Variants in AGBL4 observed in about 807,000 individuals in gnomAD.
AGBL4 encodes AGBL carboxypeptidase 4.
A neutral mutation model predicts 66.4 loss-of-function variants in AGBL4; 58 were observed. The ratio of observed to expected loss-of-function variants is 0.87; its 90% CI spans 0.71 to 1.09. The LOEUF (loss-of-function observed/expected upper bound fraction) is 1.09. AGBL4 is among the 50% of genes least tolerant of loss of function. The pLI is 0.00. For synonymous variants in AGBL4, 234 were observed against 222.9 expected, an observed-to-expected ratio of 1.05 and a Z score of -0.44; for missense variants, 579 against 631.0, an observed-to-expected ratio of 0.92 and a Z score of 0.88.
intron 4 of AGBL4, among the ~76,000 whole-genome samples, chr1:49,236,462 A>T (rs1251029461): frequency 3.9e-5 from 6 of 152,150 alleles, no homozygotes; most frequent in Admixed American, 6.5e-5. Context: ...ACATTCTATA[A>T]AATATTTGTA....
At chr1:49,847,640 A>G (rs1053635074) in intron 2 of AGBL4, among the ~76,000 whole-genome samples, 10 of 152,224 alleles carry the variant, frequency 6.6e-5, no homozygotes, top group Non-Finnish European at 1.3e-4. Flanking sequence ...TAACCCCATT[A>G]AAATAAGCAA....
intron 3 of AGBL4, chr1:49,527,173 G>A (rs1188984526): frequency 1.3e-5 from 2 of 151,914 alleles, no homozygotes; most frequent in African/African-American, 4.8e-5. Flanking sequence ...CAGTTTTTTT[G>A]GTCTTTAAAA....
At chr1:49,880,005 G>A (rs1647167269) in intron 1 of AGBL4, among the ~76,000 whole-genome samples, 1 of 150,230 alleles carries the variant, frequency 6.7e-6, no homozygotes, top group South Asian at 2.1e-4. Flanking sequence ...TTGGTTTTCA[G>A]CTCCATCAGC....
intron 3 of AGBL4, among the ~76,000 whole-genome samples, chr1:49,311,344 G>A (rs749653415): frequency 6.6e-6 from 1 of 151,876 alleles, no homozygotes; most frequent in Non-Finnish European, 1.5e-5. Context: ...CCTTACAAAC[G>A]AAGAATACAG....
chr1:49,429,461 T>C (rs190270240), intron 3 of AGBL4, among the ~76,000 whole-genome samples: 2 of 152,322 alleles, frequency 1.3e-5, no homozygotes, highest in South Asian at 2.1e-4. Context: ...AAATTTTCTA[T>C]GCTATAATAT....
At position 49,609,823 on chromosome 1, in the gene AGBL4, T is replaced by G. The variant is rs538891081; in HGVS notation, c.282+87490A>C. Among the ~76,000 whole-genome samples, 297 of 152,322 alleles carry G rather than the reference T, an allele frequency of 1.9e-3. 10 individuals are homozygous for G. In the South Asian group the frequency reaches 0.06, roughly 31 times the overall value. ...ATTTGATGTTTAGCTCTCTGGGACTTGGTTATTTCATTTGTGAAATGAGAG... is the reference window on the plus strand; with the variant it reads ...ATTTGATGTTTAGCTCTCTGGGACTGGGTTATTTCATTTGTGAAATGAGAG... On this transcript the variant is annotated intron_variant, in intron 3 of 13. Coordinates refer to ENST00000371839, the MANE Select transcript of AGBL4 (RefSeq NM_032785.4).
intron 6 of AGBL4, among the ~76,000 whole-genome samples, chr1:48,734,103 C>T (rs1362789254): frequency 1.3e-5 from 2 of 152,120 alleles, no homozygotes; most frequent in Non-Finnish European, 2.9e-5. Context: ...GGTGACCTCC[C>T]AAATCAGGCT....
chr1:48,780,760 C>T (rs1426109080), intron 6 of AGBL4, among the ~76,000 whole-genome samples: 1 of 152,162 alleles, frequency 6.6e-6, no homozygotes, highest in Non-Finnish European at 1.5e-5. Flanking sequence ...CTCCTTACAC[C>T]TTATACAAAA....
intron 1 of AGBL4, among the ~76,000 whole-genome samples, chr1:50,006,058 G>T (rs891970880): frequency 2.0e-5 from 3 of 152,210 alleles, no homozygotes; most frequent in Non-Finnish European, 2.9e-5. Context: ...AAGAGGCAGA[G>T]GCCAGGTGCG....
At chr1:48,985,382 T>C (rs1660101901) in intron 5 of AGBL4, among the ~76,000 whole-genome samples, 1 of 152,226 alleles carries the variant, frequency 6.6e-6, no homozygotes, top group Non-Finnish European at 1.5e-5. Flanking sequence ...AGGGTTCTCC[T>C]TGAGTATTCA....
chr1:48,854,897 A>C (rs1647112054), intron 6 of AGBL4, among the ~76,000 whole-genome samples: 1 of 152,204 alleles, frequency 6.6e-6, no homozygotes, highest in South Asian at 2.1e-4. Context: ...ATACTGAGAA[A>C]GTTGAGTTAA....
chr1:48,718,918 A>T (rs751858857), intron 6 of AGBL4, among the ~76,000 whole-genome samples: 5 of 152,190 alleles, frequency 3.3e-5, no homozygotes, highest in Admixed American at 6.5e-5. Context: ...CTCCGACTAC[A>T]TACCTGCCGT....
chr1:49,535,689 G>A (rs1444465427), intron 3 of AGBL4, among the ~76,000 whole-genome samples: 1 of 151,922 alleles, frequency 6.6e-6, no homozygotes, highest in Non-Finnish European at 1.5e-5. Context: ...CTTTTCGTTT[G>A]GTTTTTTTTG....
intron 6 of AGBL4, among the ~76,000 whole-genome samples, chr1:48,682,755 G>T (rs1646474755): frequency 6.6e-6 from 1 of 152,114 alleles, no homozygotes; most frequent in African/African-American, 2.4e-5. Flanking sequence ...ATAAATGCAT[G>T]ATACATGTAA....
At chr1:49,234,565 AG>A (rs1202181073) in intron 4 of AGBL4, among the ~76,000 whole-genome samples, 1 of 152,182 alleles carries the variant, frequency 6.6e-6, no homozygotes, top group Non-Finnish European at 1.5e-5. Flanking sequence ...AACTGATTAT[AG>A]AGTATCAGTG....
At chr1:48,591,473 C>A (rs1305675637) in intron 9 of AGBL4, among the ~76,000 whole-genome samples, 1 of 152,182 alleles carries the variant, frequency 6.6e-6, no homozygotes, top group Non-Finnish European at 1.5e-5. Context: ...TGGTGTAAAT[C>A]ATGTCCCCAC....
downstream of AGBL4, among the ~76,000 whole-genome samples, chr1:48,530,917 C>T (rs1284491837): frequency 5.9e-5 from 9 of 152,330 alleles, no homozygotes; most frequent in Admixed American, 5.9e-4. Flanking sequence ...TAGGCTGGTG[C>T]GCCCCCTGCT....
At chr1:48,833,349 C>T (rs1450404044) in intron 6 of AGBL4, among the ~76,000 whole-genome samples, 1 of 152,252 alleles carries the variant, frequency 6.6e-6, no homozygotes, top group South Asian at 2.1e-4. Context: ...GAACTGTGTT[C>T]TAGTGTTTTG....
intron 3 of AGBL4, among the ~76,000 whole-genome samples, chr1:49,453,475 C>G (rs1182011263): frequency 6.6e-6 from 1 of 151,694 alleles, no homozygotes; most frequent in Admixed American, 6.6e-5. Context: ...CTCTATTCAA[C>G]CCTACTTCAT....
Sources: allele counts gnomAD v4.1 joint callset (sites outside exome capture counted in the v4.1 genomes callset), GRCh38; gene constraint gnomAD v4.1.1; transcripts MANE v1.5; gene names NCBI Gene and HGNC (gene_info 2026-07-23, HGNC 2026-07-21).